Variants in UBE2G1 observed in about 807,000 individuals in gnomAD.
UBE2G1 encodes the protein ubiquitin-conjugating enzyme E2 G1.
Under a neutral mutation model 22.7 loss-of-function variants are expected in UBE2G1, and 5 were observed. That is an observed-to-expected ratio of 0.22 (90% CI 0.12 to 0.46). The LOEUF (loss-of-function observed/expected upper bound fraction) is 0.46. Among genes scored for constraint, UBE2G1 ranks in the 20% least tolerant of loss-of-function variants. The probability of loss-of-function intolerance (pLI) is 0.99; values close to 1 mark genes in which losing one functional copy is unlikely to be tolerated. For synonymous variants in UBE2G1, 74 were observed against 67.5 expected, an observed-to-expected ratio of 1.10 and a Z score of -0.47; for missense variants, 88 against 203.9, an observed-to-expected ratio of 0.43 and a Z score of 3.46.
At chr17:4,320,999 CT>C (rs1969430605) in intron 1 of UBE2G1, among the ~76,000 whole-genome samples, 1 of 152,026 alleles carries the variant, frequency 6.6e-6, no homozygotes, top group Non-Finnish European at 1.5e-5. Flanking sequence ...AAAAACAATG[CT>C]GCCATTGCCA....
intron 1 of UBE2G1, among the ~76,000 whole-genome samples, chr17:4,324,020 G>A (rs1271918098): frequency 6.6e-6 from 1 of 152,130 alleles, no homozygotes; most frequent in African/African-American, 2.4e-5. Context: ...TGATGCCCAA[G>A]CATCACCCCA....
intron 1 of UBE2G1, among the ~76,000 whole-genome samples, chr17:4,345,054 C>CT (rs565881929): frequency 8.4e-4 from 128 of 152,162 alleles, no homozygotes; most frequent in Non-Finnish European, 1.4e-3. Flanking sequence ...TACATTAATT[C>CT]AGAACTAAAA....
chr17:4,276,823 GAACT>G (rs1354164420), intron 5 of UBE2G1, among the ~76,000 whole-genome samples: 6 of 152,272 alleles, frequency 3.9e-5, no homozygotes, highest in African/African-American at 1.4e-4. Flanking sequence ...GGGAGAAGAT[GAACT>G]AACTCAAGGC....
At chr17:4,302,353 T>C (rs1969193432) in intron 2 of UBE2G1, 1 of 486,092 alleles carries the variant, frequency 2.1e-6, no homozygotes, top group Non-Finnish European at 4.2e-6. Context: ...CTGGCCTTTA[T>C]GATGTGGAGC....
chr17:4,333,617 C>T (rs1969609900), intron 1 of UBE2G1, among the ~76,000 whole-genome samples: 1 of 151,824 alleles, frequency 6.6e-6, no homozygotes, highest in South Asian at 2.1e-4. Context: ...GTCAGGAGAT[C>T]GAGACCATCC....
At chr17:4,277,406 G>A (rs1297403473) in intron 5 of UBE2G1, among the ~76,000 whole-genome samples, 1 of 152,224 alleles carries the variant, frequency 6.6e-6, no homozygotes, top group East Asian at 1.9e-4. Context: ...TCTAGCCTTG[G>A]TGCAGAACGG....
At chr17:4,322,182 T>C (rs1969448142) in intron 1 of UBE2G1, among the ~76,000 whole-genome samples, 1 of 152,202 alleles carries the variant, frequency 6.6e-6, no homozygotes. Flanking sequence ...CACAAACACA[T>C]ATTAAGATGG....
chr17:4,351,187 T>G (rs1228206103), intron 1 of UBE2G1, among the ~76,000 whole-genome samples: 39 of 138,348 alleles, frequency 2.8e-4, no homozygotes, highest in Middle Eastern at 3.7e-3. Context: ...GGCTGGGGGG[T>G]GGGGGAAAGG....
chr17:4,289,680 T>G (rs150467019), intron 3 of UBE2G1, among the ~76,000 whole-genome samples: 1 of 152,330 alleles, frequency 6.6e-6, no homozygotes, highest in Non-Finnish European at 1.5e-5. Flanking sequence ...ACGTAGATGG[T>G]GCCTAACATT....
At chr17:4,339,215 CTA>C (rs1317902851) in intron 1 of UBE2G1, among the ~76,000 whole-genome samples, 1 of 151,958 alleles carries the variant, frequency 6.6e-6, no homozygotes, top group African/African-American at 2.4e-5. Context: ...GTTATATTTA[CTA>C]TTATTTTATT....
In UBE2G1 at chr17:4,366,352, T is replaced by TC. The variant is rs758079968; in HGVS notation, c.-37dup. ...GAGGGCCCGGGCTGGCGCCGGGGCTTCCGAAGGGCTGGGGACAGGCTCTGG... is the reference window on the plus strand; with the variant it reads ...GAGGGCCCGGGCTGGCGCCGGGGCTTCCCGAAGGGCTGGGGACAGGCTCTGG... On this transcript the variant is annotated 5_prime_UTR_variant, in exon 1 of 6. Coordinates refer to ENST00000396981, the MANE Select transcript of UBE2G1 (RefSeq NM_003342.5). 1 of 1,518,866 alleles carries TC rather than the reference T, an allele frequency of 6.6e-7. No individual in the cohort carries two copies. The highest frequency in any genetic ancestry group is 8.8e-7 in the Non-Finnish European group (1 of 1,142,740). The allele number at this position is 1,518,866 out of a possible 1,614,324, so 94.1% of individuals were successfully genotyped here. A position where few individuals can be genotyped will look rare whatever the true frequency, so the allele number is the denominator to read the frequency against.
intron 1 of UBE2G1, among the ~76,000 whole-genome samples, chr17:4,360,500 A>G (rs568545941): frequency 6.6e-6 from 1 of 152,366 alleles, no homozygotes; most frequent in South Asian, 2.1e-4. Context: ...ATATAATGAT[A>G]GTCACTGGAT....
At chr17:4,315,607 G>A (rs1286959189) in intron 1 of UBE2G1, among the ~76,000 whole-genome samples, 1 of 151,266 alleles carries the variant, frequency 6.6e-6, no homozygotes, top group African/African-American at 2.4e-5. Flanking sequence ...GGGCGTGGTG[G>A]CGGGCGCCTG....
chr17:4,355,323 G>C (rs1458007627), intron 1 of UBE2G1, among the ~76,000 whole-genome samples: 3 of 150,466 alleles, frequency 2.0e-5, no homozygotes, highest in Non-Finnish European at 3.0e-5. Flanking sequence ...CACTAAGCCC[G>C]GCCTGCCAGA....
intron 1 of UBE2G1, among the ~76,000 whole-genome samples, chr17:4,310,490 T>G (rs534183951): frequency 6.6e-6 from 1 of 152,162 alleles, no homozygotes; most frequent in East Asian, 1.9e-4. Context: ...TAGAGGAGCA[T>G]GTACAAAAAC....
intron 1 of UBE2G1, among the ~76,000 whole-genome samples, chr17:4,338,126 C>T (rs987453664): frequency 1.3e-4 from 19 of 150,756 alleles, no homozygotes; most frequent in African/African-American, 2.7e-4. Context: ...GCTCAGATCG[C>T]GCTACTGCAC....
chr17:4,347,888 G>C (rs1969797661), intron 1 of UBE2G1, among the ~76,000 whole-genome samples: 1 of 152,190 alleles, frequency 6.6e-6, no homozygotes, highest in Non-Finnish European at 1.5e-5. Context: ...GAGAAAGCAA[G>C]CTTAATAAAC....
chr17:4,341,208 T>A (rs1969708549), intron 1 of UBE2G1, among the ~76,000 whole-genome samples: 1 of 152,152 alleles, frequency 6.6e-6, no homozygotes, highest in Admixed American at 6.6e-5. Context: ...AACTTAACAA[T>A]TTCAGTCAAC....
In UBE2G1 at chr17:4,290,779, CTTTTT is replaced by C. The variant is rs34313850; in HGVS notation, c.248-1376_248-1372del. ...CATAGGCACATGGCACCATTCCTGG[CTTTTT>C]TTTTTTTTTTTTTTGGTAGAGATAT... On this transcript the variant is annotated intron_variant, in intron 3 of 5. Transcript: ENST00000396981. 9.3e-5 allele frequency among the ~76,000 whole-genome samples: 11 copies of C among 117,932 alleles called. No individual in the cohort carries two copies. The South Asian group carries it at 1.2e-3, about 13-fold the overall frequency. 77.4% of individuals were successfully genotyped at this position (117,932 alleles called of 152,430 possible). A position where few individuals can be genotyped will look rare whatever the true frequency, so the allele number is the denominator to read the frequency against.
Sources: allele counts gnomAD v4.1 joint callset (sites outside exome capture counted in the v4.1 genomes callset), GRCh38; gene constraint gnomAD v4.1.1; transcripts MANE v1.5; gene names NCBI Gene and HGNC (gene_info 2026-07-23, HGNC 2026-07-21).